The following ARMC8 variants were observed in gnomAD, a reference collection of about 807,000 sequenced individuals.
ARMC8 encodes armadillo repeat containing 8.
A neutral mutation model predicts 99.3 loss-of-function variants in ARMC8; 20 were observed. That is an observed-to-expected ratio of 0.20 (90% CI 0.14 to 0.29). The LOEUF (loss-of-function observed/expected upper bound fraction) is 0.29. Among genes scored for constraint, ARMC8 ranks in the 10% least tolerant of loss-of-function variants. The probability of loss-of-function intolerance (pLI) is 1.00; values close to 1 mark genes in which losing one functional copy is unlikely to be tolerated. For synonymous variants in ARMC8, 263 were observed against 278.3 expected (o/e 0.95, Z 0.55); for missense variants, 569 against 809.5 (o/e 0.70, Z 3.60).
chr3:138,239,564 AT>A (rs1313670710), intron 10 of ARMC8, 36 bp downstream of exon 10: 7 of 1,387,690 alleles, frequency 5.0e-6, no homozygotes, highest in Non-Finnish European at 7.0e-6. Flanking sequence ...TGTGAAAATT[AT>A]CCAGTTATGT....
At chr3:138,264,522 C>T (rs553269611) in intron 14 of ARMC8, among the ~76,000 whole-genome samples, 5 of 146,706 alleles carry the variant, frequency 3.4e-5, no homozygotes, top group African/African-American at 7.6e-5. Flanking sequence ...CCGGTTCAAG[C>T]GATTCTTCTG....
chr3:138,203,369 TG>T (rs2044184041), intron 1 of ARMC8, among the ~76,000 whole-genome samples: 1 of 152,244 alleles, frequency 6.6e-6, no homozygotes, highest in South Asian at 2.1e-4. Flanking sequence ...GTGGCCTAGT[TG>T]GTGCCTCTGG....
intron 15 of ARMC8, among the ~76,000 whole-genome samples, chr3:138,269,214 G>A (rs1461739594): frequency 6.6e-6 from 1 of 152,146 alleles, no homozygotes; most frequent in Non-Finnish European, 1.5e-5. Flanking sequence ...AATATAATTT[G>A]TACAGTTGAG....
At chr3:138,274,742 A>G (rs2049110758) in intron 18 of ARMC8, among the ~76,000 whole-genome samples, 198 bp downstream of exon 18, 2 of 152,226 alleles carry the variant, frequency 1.3e-5, no homozygotes, top group South Asian at 2.1e-4. Flanking sequence ...AAACATGACC[A>G]GCGTCTACAG....
intron 2 of ARMC8, among the ~76,000 whole-genome samples, chr3:138,216,197 A>G (rs1247051985): frequency 6.6e-6 from 1 of 152,074 alleles, no homozygotes. Flanking sequence ...ATCTGAAACT[A>G]CATATATTCC....
At chr3:138,244,973 T>G in intron 11 of ARMC8, 115 bp from the exon 12 acceptor site, 1 of 1,279,656 alleles carries the variant, frequency 7.8e-7, no homozygotes. Context: ...AGTTAATGAC[T>G]GGGAAATTCA....
At chr3:138,256,186 A>G (rs145424721) in intron 12 of ARMC8, among the ~76,000 whole-genome samples, 3 of 152,208 alleles carry the variant, frequency 2.0e-5, no homozygotes, top group African/African-American at 2.4e-5. Context: ...TTTGGTTACT[A>G]TCTGCTAAAG....
At chr3:138,228,195 G>A (rs2045794707) in intron 5 of ARMC8, among the ~76,000 whole-genome samples, 1 of 152,170 alleles carries the variant, frequency 6.6e-6, no homozygotes, top group South Asian at 2.1e-4. Flanking sequence ...GGCCAGGCTG[G>A]TCCCAAACTC....
chr3:138,294,721 T>G (rs1177686733), intron 21 of ARMC8, among the ~76,000 whole-genome samples: 1 of 152,128 alleles, frequency 6.6e-6, no homozygotes, highest in Admixed American at 6.5e-5. Flanking sequence ...AAACCTGACT[T>G]CCTAACTCCC....
intron 1 of ARMC8, among the ~76,000 whole-genome samples, chr3:138,205,500 GTCCATGCTACCATCA>G (rs1255389322): frequency 6.6e-6 from 1 of 152,176 alleles, no homozygotes; most frequent in Non-Finnish European, 1.5e-5. Context: ...GTTTGGTCTA[GTCCATGCTACCATCA>G]TCTATGAAAT....
At position 138,229,134 on chromosome 3, in the gene ARMC8, GTATATATATATATATATATATATATA is replaced by G. The variant is rs71146119; in HGVS notation, c.528+148_528+173del. On this transcript the variant is annotated intron_variant, in intron 6 of 21. Transcript: ENST00000469044. Reference sequence around the variant, plus strand: ...TATAAGTAGACCTGTGTGTGTGCGTGTATATATATATATATATATATATATATATATATATATATATATATATATGT... The same window carrying G: ...TATAAGTAGACCTGTGTGTGTGCGTGTATATATATATATATATATATATGT... 258 of 78,616 alleles carry G rather than the reference GTATATATATATATATATATATATATA, an allele frequency of 3.3e-3. 6 individuals are homozygous for G. Among genetic ancestry groups the G allele is most frequent in the South Asian group, 0.016 (58 of 3,642 alleles). The allele number at this position is 78,616 out of a possible 1,614,324, so 4.9% of individuals were successfully genotyped here.
At chr3:138,261,865 G>C (rs771319630) in intron 12 of ARMC8, 3 of 152,200 alleles carry the variant, frequency 2.0e-5, no homozygotes, top group Non-Finnish European at 4.4e-5. Flanking sequence ...GTTGCAATGT[G>C]TGTCCCCAAA....
At chr3:138,202,353 A>T (rs190662567) in intron 1 of ARMC8, among the ~76,000 whole-genome samples, 2 of 152,352 alleles carry the variant, frequency 1.3e-5, no homozygotes, top group Non-Finnish European at 1.5e-5. Flanking sequence ...CTAAACAAGT[A>T]TATTTGGTTT....
intron 19 of ARMC8, among the ~76,000 whole-genome samples, chr3:138,286,756 C>T (rs1435830513): frequency 6.6e-6 from 1 of 152,184 alleles, no homozygotes; most frequent in Admixed American, 6.5e-5. Flanking sequence ...AGGAGAATCT[C>T]ATCCACCCCC....
At chr3:138,222,122 A>T (rs2045435644) in intron 3 of ARMC8, 125 bp downstream of exon 3, 2 of 689,224 alleles carry the variant, frequency 2.9e-6, no homozygotes, top group East Asian at 2.8e-5. Flanking sequence ...TCCTATTTTT[A>T]AAAATAAATG....
chr3:138,225,664 C>G (rs1315878899), intron 5 of ARMC8, among the ~76,000 whole-genome samples: 1 of 152,150 alleles, frequency 6.6e-6, no homozygotes, highest in East Asian at 1.9e-4. Context: ...GTAATGCCCT[C>G]TGGTTTCTAT....
intron 11 of ARMC8, among the ~76,000 whole-genome samples, chr3:138,243,309 C>G (rs556191529): frequency 8.5e-5 from 13 of 152,194 alleles, no homozygotes; most frequent in Non-Finnish European, 1.9e-4. Flanking sequence ...CATCGTAATA[C>G]CAAACTTGAG....
At chr3:138,216,782 T>C (rs1023061075) in intron 2 of ARMC8, among the ~76,000 whole-genome samples, 5 of 152,198 alleles carry the variant, frequency 3.3e-5, no homozygotes, top group Admixed American at 3.3e-4. Context: ...AGTTTTTGGC[T>C]ACTTCATACT....
chr3:138,233,817 G>T (rs62280654), intron 6 of ARMC8, among the ~76,000 whole-genome samples: 1 of 152,182 alleles, frequency 6.6e-6, no homozygotes, highest in African/African-American at 2.4e-5. Context: ...AGCCCAGACC[G>T]ATAGCCAACC....
Sources: gnomAD v4.1 joint callset for allele counts (sites outside exome capture counted in the v4.1 genomes callset) on GRCh38, gnomAD v4.1.1 for gene constraint, MANE v1.5 for transcripts, NCBI Gene and HGNC (gene_info 2026-07-23, HGNC 2026-07-21) for gene names.